Variants in SLC1A5 observed in about 807,000 individuals in gnomAD.
The protein encoded by SLC1A5 is solute carrier family 1 member 5.
Under a neutral mutation model 34.9 loss-of-function variants are expected in SLC1A5, and 25 were observed. The observed-to-expected ratio is 0.72, with a 90% CI of 0.52 to 1.00. The LOEUF is 1.00. Among genes scored for constraint, SLC1A5 ranks in the 50% least tolerant of loss-of-function variants. The probability of loss-of-function intolerance (pLI) is 0.00; values close to 1 mark genes in which losing one functional copy is unlikely to be tolerated. For synonymous variants in SLC1A5, 351 were observed against 341.2 expected (o/e 1.03, Z -0.32); for missense variants, 637 against 740.0 (o/e 0.86, Z 1.61).
At chr19:46,777,893 A>G (rs191951697) in intron 5 of SLC1A5, among the ~76,000 whole-genome samples, 57 of 151,450 alleles carry the variant, frequency 3.8e-4, no homozygotes, top group African/African-American at 1.4e-3. Flanking sequence ...AGGCAGCACT[A>G]GGGAACTCAA....
chr19:46,786,556 C>T (rs540592317), intron 1 of SLC1A5, among the ~76,000 whole-genome samples: 10 of 152,310 alleles, frequency 6.6e-5, no homozygotes, highest in African/African-American at 2.4e-4. Flanking sequence ...GCTGGAGAAC[C>T]CTGTTCCGTG....
chr19:46,775,733 G>T lies in SLC1A5; in HGVS notation c.1403C>A (p.Thr468Asn). ...AGCGTCACCTTCTACATTGAGGACG[G>T]TACAGGACCGGTCGCTAAAGGGGTA... ...AVDWLVDRSC[T>N]VLNVEGDALG... Residue 468 changes from threonine to asparagine, a missense_variant, in exon 8 of 8, where the codon ACC becomes AAC. Coordinates refer to ENST00000542575, the MANE Select transcript of SLC1A5 (RefSeq NM_005628.3). 6.2e-7 allele frequency: 1 copy of T among 1,613,648 alleles called. No individual in the cohort carries two copies.
At chr19:46,782,353 C>G (rs765360427) in intron 4 of SLC1A5, 30 bp downstream of exon 4, 1 of 785,198 alleles carries the variant, frequency 1.3e-6, no homozygotes, top group South Asian at 1.6e-5. Flanking sequence ...CCAACCCCAC[C>G]CACCCCCAGC....
intron 4 of SLC1A5, among the ~76,000 whole-genome samples, chr19:46,780,664 C>T (rs950238417): frequency 2.0e-5 from 3 of 150,706 alleles, no homozygotes; most frequent in Admixed American, 6.6e-5. Flanking sequence ...AGCCAAAACA[C>T]ACATTTTTAA....
rs1265432254 is a variant in SLC1A5 at position 46,775,755 on chromosome 19, G to T, written c.1389-8C>A. 3 of 1,610,278 alleles carry T rather than the reference G, an allele frequency of 1.9e-6. No homozygotes were observed. Among genetic ancestry groups the T allele is most frequent in the South Asian group, 1.1e-5 (1 of 90,880 alleles). On this transcript the variant is annotated splice_region_variant and splice_polypyrimidine_tract_variant and intron_variant, in intron 7 of 7. Coordinates refer to ENST00000542575, the MANE Select transcript of SLC1A5 (RefSeq NM_005628.3). ...ACGGTACAGGACCGGTCGCTAAAGGGGTAGAAATGACAGCAAAGTAAGCGG... is the reference window on the plus strand; with the variant it reads ...ACGGTACAGGACCGGTCGCTAAAGGTGTAGAAATGACAGCAAAGTAAGCGG...
In SLC1A5 at chr19:46,787,743, C is replaced by A. The variant is rs1193135328; in HGVS notation, c.223G>T (p.Ala75Ser). Residue 75 changes from alanine (A) to serine (S), a missense_variant, in exon 1 of 8, where the codon GCC becomes TCC. By Grantham distance (99) the Ala-to-Ser change is moderately conservative. Coordinates refer to ENST00000542575, the MANE Select transcript of SLC1A5 (RefSeq NM_005628.3). The surrounding 1 kb of genome is among the most constrained non-coding windows in gnomAD (Gnocchi z 5.2). ...GGGCCCAACGCCAGCGCACCCCCGGCCCCCGACACCCCCAGTCCCAGCGCC... is the reference window on the plus strand; with the variant it reads ...GGGCCCAACGCCAGCGCACCCCCGGACCCCGACACCCCCAGTCCCAGCGCC... Reference protein sequence around the residue: ...GVALGLGVSGAGGALALGPER... With the variant: ...GVALGLGVSGSGGALALGPER... 2 of 1,551,556 alleles carry A rather than the reference C, an allele frequency of 1.3e-6. No individual in the cohort carries two copies.
chr19:46,782,472 C>G lies in SLC1A5; in HGVS notation c.735G>C (p.Leu245=). ...GCTCCCCTTCAGGCCCCAGCTTCCGCAGCGCCACACCAAAGACGATGGCAA... is the reference window on the plus strand; with the variant it reads ...GCTCCCCTTCAGGCCCCAGCTTCCGGAGCGCCACACCAAAGACGATGGCAA... ...VVFAIVFGVA[L]RKLGPEGELL... The change falls in exon 4 of 8, where the codon CTG becomes CTC. Residue 245 remains leucine (L), a synonymous_variant. Transcript: ENST00000542575. 1.2e-6 allele frequency: 2 copies of G among 1,614,044 alleles called. No homozygotes were observed. The highest frequency in any genetic ancestry group is 1.7e-6 in the Non-Finnish European group (2 of 1,180,020).
intron 3 of SLC1A5, 124 bp from the exon 4 acceptor site, chr19:46,782,673 C>A: frequency 9.3e-7 from 1 of 1,075,140 alleles, no homozygotes; most frequent in South Asian, 1.5e-5. Context: ...CCCTTCCTCC[C>A]AAGGCTCCCA....
intron 3 of SLC1A5, 74 bp downstream of exon 3, chr19:46,784,023 A>C (rs1459847545): frequency 4.5e-6 from 5 of 1,111,274 alleles, no homozygotes; most frequent in African/African-American, 1.5e-5. Flanking sequence ...GCAAAGACTA[A>C]GGCAGAAATA....
At chr19:46,781,185 A>G (rs912619956) in intron 4 of SLC1A5, among the ~76,000 whole-genome samples, 6 of 152,148 alleles carry the variant, frequency 3.9e-5, no homozygotes, top group Non-Finnish European at 8.8e-5. Context: ...GGAGGATGCA[A>G]TGAGATGCCA....
chr19:46,777,490 G>T, intron 5 of SLC1A5, 85 bp from the exon 6 acceptor site: 2 of 1,316,588 alleles, frequency 1.5e-6, no homozygotes, highest in Non-Finnish European at 2.0e-6. Flanking sequence ...GTGAGGCCTC[G>T]CCTACCCCAC....
At chr19:46,778,475 G>C (rs1395544263) in intron 5 of SLC1A5, among the ~76,000 whole-genome samples, 200 bp downstream of exon 5, 1 of 152,168 alleles carries the variant, frequency 6.6e-6, no homozygotes, top group Non-Finnish European at 1.5e-5. Flanking sequence ...CGGGGAGGCA[G>C]TGTAAGAAAG....
At chr19:46,777,898 A>C (rs1807430010) in intron 5 of SLC1A5, among the ~76,000 whole-genome samples, 1 of 151,482 alleles carries the variant, frequency 6.6e-6, no homozygotes. Flanking sequence ...GCACTAGGGA[A>C]CTCAATACCA....
In SLC1A5 at chr19:46,779,267, A is replaced by C. The variant is rs187964056; in HGVS notation, c.825-359T>G. 1.4e-4 allele frequency among the ~76,000 whole-genome samples: 22 copies of C among 152,166 alleles called. No homozygotes were observed. The East Asian group carries it at 4.1e-3, about 28-fold the overall frequency. ...TGGAGAAACCCCGTCTCTACTAAAA[A>C]TACAAAATTAACCAGGCGTGGTGGC... On this transcript the variant is annotated intron_variant, in intron 4 of 7. Coordinates refer to ENST00000542575, the MANE Select transcript of SLC1A5 (RefSeq NM_005628.3).
At chr19:46,785,249 C>T (rs1347042446) in intron 1 of SLC1A5, among the ~76,000 whole-genome samples, 1 of 152,154 alleles carries the variant, frequency 6.6e-6, no homozygotes, top group East Asian at 1.9e-4. Flanking sequence ...GGCATGGTGG[C>T]ATGTGCCTGT....
chr19:46,775,353 G>C lies in SLC1A5; in HGVS notation c.*157C>G. 1 of 1,477,702 alleles carries C rather than the reference G, an allele frequency of 6.8e-7. No homozygotes were observed. The highest frequency in any genetic ancestry group is 9.0e-7 in the Non-Finnish European group (1 of 1,116,822). 91.5% of individuals were successfully genotyped at this position (1,477,702 alleles called of 1,614,324 possible). On this transcript the variant is annotated 3_prime_UTR_variant, in exon 8 of 8. Transcript: ENST00000542575. ...TGAACACATGTACTCCAGCAGCCAG[G>C]CATCCCAGATCTCCTGTCCTGGAGG...
chr19:46,782,346 ACC>A, intron 4 of SLC1A5, 35 bp downstream of exon 4: 6 of 567,972 alleles, frequency 1.1e-5, no homozygotes, highest in African/African-American at 1.9e-5. Context: ...CGACCCTCCA[ACC>A]CCACCCACCC....
intron 3 of SLC1A5, among the ~76,000 whole-genome samples, chr19:46,783,443 A>C (rs1411297925): frequency 1.3e-5 from 2 of 148,890 alleles, no homozygotes; most frequent in Admixed American, 6.8e-5. Context: ...TCCAGCCTGG[A>C]CAACAAGTAC....
chr19:46,782,342 T>TGCCAACCCCCCCCCCCCC, intron 4 of SLC1A5, 41 bp downstream of exon 4: 2 of 523,370 alleles, frequency 3.8e-6, no homozygotes, highest in Non-Finnish European at 7.0e-6. Context: ...AGACCGACCC[T>TGCCAACCCCCCCCCCCCC]CCAACCCCAC....
Sources: gnomAD v4.1 joint callset for allele counts (sites outside exome capture counted in the v4.1 genomes callset) on GRCh38, gnomAD v4.1.1 for gene constraint, Gnocchi (gnomAD v3.1) non-coding constraint, MANE v1.5 for transcripts, NCBI Gene and HGNC (gene_info 2026-07-23, HGNC 2026-07-21) for gene names.